The following MCTP1 variants were observed in gnomAD, a reference collection of about 807,000 sequenced individuals.
MCTP1 encodes the protein multiple C2 and transmembrane domain containing 1.
In MCTP1, 69 loss-of-function variants were observed where a neutral mutation model predicts 120.6. The ratio of observed to expected loss-of-function variants is 0.57; its 90% CI spans 0.47 to 0.70. The LOEUF (loss-of-function observed/expected upper bound fraction) is 0.70. MCTP1 is among the 30% of genes least tolerant of loss of function. The probability of loss-of-function intolerance (pLI) is 0.00; values close to 1 mark genes in which losing one functional copy is unlikely to be tolerated. For missense variants in MCTP1, 1,203 were observed against 1,248.8 expected (o/e 0.96, Z 0.55); for synonymous variants, 529 against 493.1 (o/e 1.07, Z -0.96).
At chr5:94,771,327 C>T (rs1342090689) in intron 19 of MCTP1, among the ~76,000 whole-genome samples, 1 of 152,076 alleles carries the variant, frequency 6.6e-6, no homozygotes, top group Non-Finnish European at 1.5e-5. Context: ...TGTAAATCTT[C>T]AGATTCTCAG....
chr5:94,918,011 C>A (rs762400638), intron 7 of MCTP1, 38 bp from the exon 8 acceptor site: 5 of 1,517,334 alleles, frequency 3.3e-6, no homozygotes, highest in Admixed American at 3.4e-5. Flanking sequence ...TACGGGGAAG[C>A]TTTGTACCAT....
chr5:95,061,408 GTTTTTTTTTTTTTTTT>G (rs556663513), intron 1 of MCTP1, among the ~76,000 whole-genome samples: 568 of 33,214 alleles, frequency 0.017, 39 homozygotes, highest in Non-Finnish European at 0.026. Flanking sequence ...CCCCTTAAGG[GTTTTTTTTTTTTTTTT>G]TTTTTTTTTT....
At chr5:94,942,844 A>G (rs1252201076) in intron 3 of MCTP1, among the ~76,000 whole-genome samples, 2 of 152,090 alleles carry the variant, frequency 1.3e-5, no homozygotes, top group Non-Finnish European at 2.9e-5. Flanking sequence ...GCCACTTTAA[A>G]CATACAAATA....
At chr5:94,750,971 C>T (rs1768142608) in intron 19 of MCTP1, among the ~76,000 whole-genome samples, 2 of 152,192 alleles carry the variant, frequency 1.3e-5, no homozygotes, top group South Asian at 4.1e-4. Flanking sequence ...AGAACCGAAA[C>T]CTGGGCAGGA....
intron 3 of MCTP1, among the ~76,000 whole-genome samples, chr5:94,951,724 T>G (rs1240647141): frequency 4.6e-5 from 7 of 152,174 alleles, no homozygotes; most frequent in Non-Finnish European, 1.0e-4. Flanking sequence ...TTTTTTCTCA[T>G]GTGGATATTT....
chr5:95,021,893 T>C (rs1465314414), intron 1 of MCTP1, among the ~76,000 whole-genome samples: 1 of 152,168 alleles, frequency 6.6e-6, no homozygotes, highest in African/African-American at 2.4e-5. Context: ...ACATGATGTT[T>C]ATGAAGCTTA....
intron 2 of MCTP1, among the ~76,000 whole-genome samples, chr5:94,955,434 T>C (rs1014235768): frequency 6.6e-6 from 1 of 152,080 alleles, no homozygotes; most frequent in African/African-American, 2.4e-5. Context: ...ACTCCCCTGG[T>C]AAGGGGGCTA....
chr5:94,779,158 C>T lies in MCTP1; in HGVS notation c.2562G>A (p.Val854=), dbSNP rs35401352. ...GKDNRQRDTV[V]EDMLEDEEEE... The stretch of plus-strand genomic sequence containing the variant: ...CTTCCTCGTCCTCTAGCATGTCCTC[C>T]ACTACCTGCAGAGAGAAACAGAAGT... Residue 854 remains valine, a synonymous_variant, in exon 19 of 23, where the codon GTG becomes GTA. Coordinates refer to ENST00000515393, the MANE Select transcript of MCTP1 (RefSeq NM_024717.7). 5.2e-4 allele frequency: 846 copies of T among 1,613,524 alleles called. 4 individuals are homozygous for T. The African/African-American group carries it at 9.9e-3, about 19-fold the overall frequency.
intron 19 of MCTP1, among the ~76,000 whole-genome samples, chr5:94,746,579 GAACA>G (rs1167944818): frequency 3.9e-5 from 6 of 152,124 alleles, no homozygotes; most frequent in African/African-American, 1.4e-4. Context: ...AGGGGAATAA[GAACA>G]AATATAAACA....
intron 1 of MCTP1, among the ~76,000 whole-genome samples, chr5:95,041,757 T>A: frequency 6.6e-6 from 1 of 152,196 alleles, no homozygotes; most frequent in Non-Finnish European, 1.5e-5. Context: ...GGAAATAATA[T>A]ATAGCTTTCT....
intron 3 of MCTP1, among the ~76,000 whole-genome samples, chr5:94,943,760 A>G (rs1445508781): frequency 1.3e-5 from 2 of 152,010 alleles, no homozygotes; most frequent in Non-Finnish European, 2.9e-5. Context: ...TAAGTAAGGA[A>G]GATCAGGGAA....
At chr5:94,932,125 A>C in intron 5 of MCTP1, 134 bp from the exon 6 acceptor site, 1 of 556,062 alleles carries the variant, frequency 1.8e-6, no homozygotes, top group Non-Finnish European at 3.2e-6. Flanking sequence ...ACAACACAAA[A>C]CTTGTTTGCC....
At chr5:94,803,975 C>T (rs1781735321) in intron 17 of MCTP1, among the ~76,000 whole-genome samples, 1 of 152,148 alleles carries the variant, frequency 6.6e-6, no homozygotes, top group Non-Finnish European at 1.5e-5. Flanking sequence ...TAGCTGCCTC[C>T]ATCACCCCAG....
Position 95,017,439 on chromosome 5 carries a change from C to T in MCTP1, c.766G>A (p.Ala256Thr). The T allele has an allele frequency of 6.2e-7, 1 of 1,610,372 alleles. No individual in the cohort carries two copies. The highest frequency in any genetic ancestry group is 8.5e-7 in the Non-Finnish European group (1 of 1,177,728). Reference protein sequence around the residue: ...AGTSNAEVPLADPGMYQLDIT... With the variant: ...AGTSNAEVPLTDPGMYQLDIT... ...TCCAGCTGGTACATTCCGGGATCAG[C>T]CAAGGGGACTTCTGCATTACTGGTT... The change falls in exon 2 of 23, where the codon GCT becomes ACT. Residue 256 changes from alanine (A) to threonine (T), a missense_variant. Ala to Thr is a moderately conservative substitution (Grantham distance 58). Coordinates refer to ENST00000515393, the MANE Select transcript of MCTP1 (RefSeq NM_024717.7).
chr5:94,909,427 A>G, intron 9 of MCTP1, 46 bp from the exon 10 acceptor site: 4 of 1,561,076 alleles, frequency 2.6e-6, no homozygotes, highest in South Asian at 1.2e-5. Context: ...AGCTTTTTAA[A>G]AAAAACTTCA....
At chr5:94,757,877 C>T (rs1268852880) in intron 19 of MCTP1, among the ~76,000 whole-genome samples, 1 of 152,118 alleles carries the variant, frequency 6.6e-6, no homozygotes, top group Non-Finnish European at 1.5e-5. Context: ...TAGAGTAAAG[C>T]AACAACAACA....
intron 1 of MCTP1, among the ~76,000 whole-genome samples, chr5:95,223,847 T>G (rs930251626): frequency 3.3e-5 from 5 of 152,222 alleles, no homozygotes; most frequent in Non-Finnish European, 2.9e-5. Flanking sequence ...TCTGAAGTCT[T>G]TAAGCTGTGA....
At chr5:94,817,397 CTCT>C (rs1401632034) in intron 17 of MCTP1, among the ~76,000 whole-genome samples, 9 of 148,468 alleles carry the variant, frequency 6.1e-5, no homozygotes, top group African/African-American at 2.3e-4. Context: ...GACAGTGAGA[CTCT>C]TGTCTCAAAA....
At chr5:95,043,388 C>A (rs1037371767) in intron 1 of MCTP1, among the ~76,000 whole-genome samples, 1 of 152,106 alleles carries the variant, frequency 6.6e-6, no homozygotes, top group Non-Finnish European at 1.5e-5. Context: ...AAGACCAGGG[C>A]TGTCCTCTAG....
Sources: allele counts gnomAD v4.1 joint callset (sites outside exome capture counted in the v4.1 genomes callset), GRCh38; gene constraint gnomAD v4.1.1; transcripts MANE v1.5; gene names NCBI Gene and HGNC (gene_info 2026-07-23, HGNC 2026-07-21).